Variants in LARGE1 observed in about 807,000 individuals in gnomAD.
The protein encoded by LARGE1 is xylosyl- and glucuronyltransferase LARGE1.
LARGE1 carries 43 observed loss-of-function variants against 87.6 expected under a neutral mutation model. The observed-to-expected ratio is 0.49, with a 90% confidence interval of 0.38 to 0.63. The LOEUF is 0.63. Ranked by LOEUF, LARGE1 falls within the 30% of genes least tolerant of loss-of-function variation. The probability of loss-of-function intolerance (pLI) is 0.00; values close to 1 mark genes in which losing one functional copy is unlikely to be tolerated. For synonymous variants in LARGE1, 434 were observed against 394.6 expected (o/e 1.10, Z -1.18); for missense variants, 802 against 1,000.2 (o/e 0.80, Z 2.67).
chr22:33,298,604 C>G (rs564870904), intron 12 of LARGE1, among the ~76,000 whole-genome samples: 1 of 152,326 alleles, frequency 6.6e-6, no homozygotes, highest in Non-Finnish European at 1.5e-5. Context: ...AGGAGCACTG[C>G]TTGAGCCCAG....
chr22:33,865,378 G>C (rs755933765), intron 1 of LARGE1, among the ~76,000 whole-genome samples: 1 of 152,172 alleles, frequency 6.6e-6, no homozygotes, highest in Non-Finnish European at 1.5e-5. Context: ...CATCCTGGTA[G>C]GGAATATTGG....
intron 11 of LARGE1, among the ~76,000 whole-genome samples, chr22:33,227,820 A>G (rs545704308): frequency 2.0e-5 from 3 of 152,344 alleles, no homozygotes; most frequent in Admixed American, 2.0e-4. Context: ...CTAATTAAAA[A>G]TGTAAACCTT....
At chr22:33,586,907 C>A (rs936055616) in intron 5 of LARGE1, among the ~76,000 whole-genome samples, 2 of 152,054 alleles carry the variant, frequency 1.3e-5, no homozygotes, top group African/African-American at 4.8e-5. Context: ...GCAATGAAAA[C>A]GAGAAAACTA....
chr22:33,679,045 C>G lies in LARGE1; in HGVS notation c.107-28377G>C, dbSNP rs144921531. ...GTAGCGGTGGGGACCCCAGAATCGG[C>G]CACCTGCAGAACTCTCCAGATAATA... On this transcript the variant is annotated intron_variant, in intron 2 of 14. Transcript: ENST00000397394. 3.8e-3 allele frequency among the ~76,000 whole-genome samples: 577 copies of G among 152,282 alleles called. 4 individuals are homozygous for G. Among genetic ancestry groups the G allele is most frequent in the African/African-American group, 0.013 (560 of 41,564 alleles).
chr22:33,295,534 T>C (rs5994713), intron 12 of LARGE1, among the ~76,000 whole-genome samples: 10,656 of 152,198 alleles, frequency 0.07, 1,103 homozygotes, highest in African/African-American at 0.23. Context: ...CAATCTACCT[T>C]AGGGTGACAA....
chr22:33,122,845 T>G, the LARGE1 span, among the ~76,000 whole-genome samples: 1 of 152,348 alleles, frequency 6.6e-6, no homozygotes, highest in East Asian at 1.9e-4. Context: ...TTCTGATTTT[T>G]CCACCATCTC....
intron 6 of LARGE1, among the ~76,000 whole-genome samples, chr22:33,540,616 A>C (rs1489557461): frequency 1.3e-5 from 2 of 152,132 alleles, no homozygotes; most frequent in African/African-American, 4.8e-5. Context: ...AGATCCTGGG[A>C]TAGCAACCTT....
chr22:33,582,065 G>C (rs560653597), intron 5 of LARGE1, among the ~76,000 whole-genome samples: 45 of 152,248 alleles, frequency 3.0e-4, no homozygotes, highest in Admixed American at 2.5e-3. Context: ...CTAATATGAA[G>C]GGCAATTTTG....
rs183020097 is a variant in LARGE1 at position 33,258,931 on chromosome 22, A to G, written c.1730+45298T>C. Among the ~76,000 whole-genome samples, 462 of 150,572 alleles carry G rather than the reference A, an allele frequency of 3.1e-3. 1 individual carries two copies. Among genetic ancestry groups the G allele is most frequent in the Non-Finnish European group, 5.2e-3 (354 of 67,742 alleles). On this transcript the variant is annotated intron_variant, in intron 11 of 11. Coordinates refer to the LARGE1 transcript ENST00000608642. Reference sequence around the variant, plus strand: ...CTTGCTCTGTCATCCAGGCTGGAGTACAGTGGCACGATCTTGGCTCACTGC... The same window carrying G: ...CTTGCTCTGTCATCCAGGCTGGAGTGCAGTGGCACGATCTTGGCTCACTGC...
chr22:33,828,402 CCACTGCAGAGTTCAGAAAA>C (rs2062861463), intron 1 of LARGE1, among the ~76,000 whole-genome samples: 1 of 130,360 alleles, frequency 7.7e-6, no homozygotes, highest in African/African-American at 2.5e-5. Context: ...GCATGAAGTG[CCACTGCAGAGTTCAGAAAA>C]GATGAGGATA....
intron 6 of LARGE1, among the ~76,000 whole-genome samples, chr22:33,501,626 G>T (rs1266184712): frequency 6.6e-6 from 1 of 152,142 alleles, no homozygotes; most frequent in Non-Finnish European, 1.5e-5. Context: ...ATCTCAACCT[G>T]CTTACCACCT....
chr22:33,540,077 A>T (rs781346276), intron 6 of LARGE1, among the ~76,000 whole-genome samples: 4 of 152,164 alleles, frequency 2.6e-5, no homozygotes, highest in Non-Finnish European at 5.9e-5. Flanking sequence ...TGCAAAAAAT[A>T]GGAGCTTGGT....
intron 3 of LARGE1, among the ~76,000 whole-genome samples, chr22:33,644,945 G>T (rs910142241): frequency 6.6e-6 from 1 of 152,172 alleles, no homozygotes; most frequent in Non-Finnish European, 1.5e-5. Context: ...CATGCTCATG[G>T]ATAGGAAAAT....
chr22:33,614,032 G>C (rs2079514213), intron 4 of LARGE1, among the ~76,000 whole-genome samples: 1 of 152,014 alleles, frequency 6.6e-6, no homozygotes, highest in Non-Finnish European at 1.5e-5. Flanking sequence ...GTCCTGAAAG[G>C]CAGCTTAGCT....
At chr22:33,877,118 T>C (rs962718462) in intron 1 of LARGE1, among the ~76,000 whole-genome samples, 1 of 152,182 alleles carries the variant, frequency 6.6e-6, no homozygotes, top group Non-Finnish European at 1.5e-5. Context: ...GAGCGTCTTC[T>C]ATGTACCAGG....
At chr22:33,757,166 CT>C (rs1417655698) in intron 2 of LARGE1, among the ~76,000 whole-genome samples, 1 of 152,166 alleles carries the variant, frequency 6.6e-6, no homozygotes, top group African/African-American at 2.4e-5. Context: ...AGATGGTGAA[CT>C]CCATGCCTGA....
chr22:33,684,215 ACTGGAATCC>A (rs2081874947), intron 2 of LARGE1, among the ~76,000 whole-genome samples: 1 of 152,124 alleles, frequency 6.6e-6, no homozygotes, highest in Non-Finnish European at 1.5e-5. Flanking sequence ...CTGTTGTGTG[ACTGGAATCC>A]CTTCTCTATG....
chr22:33,567,443 A>G (rs2078061985), intron 5 of LARGE1, among the ~76,000 whole-genome samples: 1 of 152,154 alleles, frequency 6.6e-6, no homozygotes, highest in Non-Finnish European at 1.5e-5. Flanking sequence ...AGATGAAGGT[A>G]AGGGTCTGTG....
chr22:33,618,814 C>T (rs544598417), intron 4 of LARGE1, among the ~76,000 whole-genome samples: 1 of 152,352 alleles, frequency 6.6e-6, no homozygotes, highest in African/African-American at 2.4e-5. Context: ...GAGAACCCGC[C>T]TTCCTGTTTG....
Sources: gnomAD v4.1 joint callset for allele counts (sites outside exome capture counted in the v4.1 genomes callset) on GRCh38, gnomAD v4.1.1 for gene constraint, MANE v1.5 for transcripts, NCBI Gene and HGNC (gene_info 2026-07-23, HGNC 2026-07-21) for gene names.